Variants in CCDC28A observed in about 807,000 individuals in gnomAD.
CCDC28A encodes the protein coiled-coil domain containing 28A.
In CCDC28A, 24 loss-of-function variants were observed where a neutral mutation model predicts 22.1. That is an observed-to-expected ratio of 1.09 (90% CI 0.79 to 1.53). The LOEUF is 1.53. Among genes scored for constraint, CCDC28A ranks in the 40% most tolerant of loss-of-function variants. CCDC28A has a pLI of 0.00. For missense variants in CCDC28A, 170 were observed against 210.7 expected (o/e 0.81, Z 1.20); for synonymous variants, 83 against 74.7 (o/e 1.11, Z -0.57).
At chr6:138,780,643 C>T (rs1359225299) in intron 3 of CCDC28A, among the ~76,000 whole-genome samples, 2 of 148,834 alleles carry the variant, frequency 1.3e-5, no homozygotes, top group South Asian at 2.1e-4. Context: ...GGCACGATCT[C>T]GGCTCACTGC....
chr6:138,785,513 GA>G, intron 4 of CCDC28A, 132 bp downstream of exon 4: 1 of 638,598 alleles, frequency 1.6e-6, no homozygotes, highest in Non-Finnish European at 2.6e-6. Flanking sequence ...GATCGCTGTT[GA>G]ATTGCGGAAC....
At chr6:138,788,574 TTTTTTTTTTTTTTTTTTC>T (rs1775127778) in intron 5 of CCDC28A, among the ~76,000 whole-genome samples, 186 bp downstream of exon 5, 1 of 77,692 alleles carries the variant, frequency 1.3e-5, no homozygotes, top group East Asian at 1.5e-3. Flanking sequence ...TTTTCTTTTT[TTTTTTTTTTTTTTTTTTC>T]AGAGACAGGG....
In CCDC28A at chr6:138,792,932, C is replaced by T; in HGVS notation, c.*129C>T. On this transcript the variant is annotated 3_prime_UTR_variant, in exon 6 of 6. Transcript: ENST00000617445. Reference sequence around the variant, plus strand: ...GTAATTAAAGTGCAAGTTCAATGATCGTTTTCACTTACTGCTTTTAGTAAA... The same window carrying T: ...GTAATTAAAGTGCAAGTTCAATGATTGTTTTCACTTACTGCTTTTAGTAAA... The T allele has an allele frequency of 4.6e-6, 3 of 656,250 alleles. No homozygotes were observed. The highest frequency in any genetic ancestry group is 1.8e-5 in the African/African-American group (1 of 55,232). The allele number at this position is 656,250 out of a possible 1,614,324, so 40.7% of individuals were successfully genotyped here. A position where few individuals can be genotyped will look rare whatever the true frequency, so the allele number is the denominator to read the frequency against.
At chr6:138,783,365 C>G (rs1039436381) in intron 3 of CCDC28A, among the ~76,000 whole-genome samples, 1 of 145,704 alleles carries the variant, frequency 6.9e-6, no homozygotes, top group Non-Finnish European at 1.5e-5. Flanking sequence ...CCTCCTTGAG[C>G]TCAAGCCATC....
intron 3 of CCDC28A, among the ~76,000 whole-genome samples, chr6:138,784,694 A>G (rs562620494): frequency 6.1e-5 from 9 of 146,638 alleles, no homozygotes; most frequent in Non-Finnish European, 1.0e-4. Context: ...CGTTTCCTAT[A>G]TGCTCTTTTT....
chr6:138,776,332 G>T (rs909598745), intron 2 of CCDC28A, 54 bp downstream of exon 2: 2 of 1,403,906 alleles, frequency 1.4e-6, no homozygotes, highest in South Asian at 1.2e-5. Flanking sequence ...AGTAAATCCT[G>T]ACTCAACTTC....
At chr6:138,783,621 G>A (rs1775051728) in intron 3 of CCDC28A, among the ~76,000 whole-genome samples, 2 of 151,514 alleles carry the variant, frequency 1.3e-5, no homozygotes, top group African/African-American at 2.4e-5. Context: ...GTATTTTTTA[G>A]TGGAGACGGG....
At position 138,792,837 on chromosome 6, in the gene CCDC28A, G is replaced by A. The variant is rs571964067; in HGVS notation, c.*34G>A. The A allele has an allele frequency of 4.1e-6, 6 of 1,454,284 alleles. No individual in the cohort carries two copies. In the East Asian group the frequency reaches 1.4e-4, roughly 33 times the overall value. 90.1% of individuals were successfully genotyped at this position (1,454,284 alleles called of 1,614,324 possible). A position where few individuals can be genotyped will look rare whatever the true frequency, so the allele number is the denominator to read the frequency against. ...GTAGTTTGCTTTCTTGTGATTTGAAGAGAAGCAGCAGTCTTTACTTTTCCA... is the reference window on the plus strand; with the variant it reads ...GTAGTTTGCTTTCTTGTGATTTGAAAAGAAGCAGCAGTCTTTACTTTTCCA... On this transcript the variant is annotated 3_prime_UTR_variant, in exon 6 of 6. Transcript: ENST00000617445.
intron 2 of CCDC28A, among the ~76,000 whole-genome samples, chr6:138,778,552 T>C (rs1774971261): frequency 1.3e-5 from 2 of 152,118 alleles, no homozygotes; most frequent in South Asian, 4.1e-4. Flanking sequence ...CCTGAGGAAA[T>C]AGCATTTAAA....
At chr6:138,791,470 A>G (rs2128363580) in intron 5 of CCDC28A, among the ~76,000 whole-genome samples, 1 of 152,158 alleles carries the variant, frequency 6.6e-6, no homozygotes, top group East Asian at 1.9e-4. Context: ...TCTTCCTGCC[A>G]TTTCTATTTT....
chr6:138,783,742 A>G (rs1001698607), intron 3 of CCDC28A, among the ~76,000 whole-genome samples: 7 of 149,044 alleles, frequency 4.7e-5, no homozygotes, highest in Admixed American at 1.3e-4. Context: ...CTGGCCTTGT[A>G]TTTTTTATAG....
At chr6:138,785,620 A>AT (rs887071710) in intron 4 of CCDC28A, among the ~76,000 whole-genome samples, 7 of 152,118 alleles carry the variant, frequency 4.6e-5, no homozygotes, top group African/African-American at 1.7e-4. Context: ...GGATTTGCCT[A>AT]TTGTGGACAT....
chr6:138,792,675 C>A, intron 5 of CCDC28A, 74 bp from the exon 6 acceptor site: 2 of 927,646 alleles, frequency 2.2e-6, no homozygotes, highest in South Asian at 1.4e-5. Flanking sequence ...TCTCTTTGCT[C>A]CTGAATGTAA....
intron 3 of CCDC28A, among the ~76,000 whole-genome samples, chr6:138,783,876 CTTTTTTTTT>C: frequency 8.0e-6 from 1 of 125,444 alleles, no homozygotes; most frequent in African/African-American, 3.1e-5. Flanking sequence ...AGCCAGAACT[CTTTTTTTTT>C]TTTTTTTTTG....
intron 5 of CCDC28A, among the ~76,000 whole-genome samples, chr6:138,790,726 C>G (rs556058260): frequency 6.6e-6 from 1 of 152,196 alleles, no homozygotes; most frequent in Admixed American, 6.5e-5. Flanking sequence ...TCTGTTAATT[C>G]AGTCTCCAAG....
Position 138,773,892 on chromosome 6 carries a change from T to A in CCDC28A, c.-53T>A. 1.9e-6 allele frequency: 3 copies of A among 1,613,270 alleles called. No homozygotes were observed. Among genetic ancestry groups the A allele is most frequent in the Non-Finnish European group, 2.5e-6 (3 of 1,179,988 alleles). ...GTTGCGGAAGGGGGCCCCAATACCC[T>A]TCTTCTTCAGGTATGTAGTGGAAGC... On this transcript the variant is annotated 5_prime_UTR_variant, in exon 1 of 6. Coordinates refer to ENST00000617445, the MANE Select transcript of CCDC28A (RefSeq NM_015439.3).
rs2114902864 is a variant in CCDC28A at position 138,779,915 on chromosome 6, T to C, written c.252T>C (p.Asp84=). Residue 84 remains aspartate (D), a synonymous_variant, in exon 3 of 6, where the codon GAT becomes GAC. Coordinates refer to ENST00000617445, the MANE Select transcript of CCDC28A (RefSeq NM_015439.3). The part of the protein sequence containing the change: ...IQHSFLTDVS[D]VQEMERGLLS... ...ACTCCTTCCTCACTGATGTCTCAGA[T>C]GTTCAGGAGATGGAGAGAGGGCTGC... The C allele has an allele frequency of 6.2e-7, 1 of 1,613,812 alleles. No homozygotes were observed. The highest frequency in any genetic ancestry group is 1.1e-5 in the South Asian group (1 of 91,070).
chr6:138,789,108 C>T (rs1280357154), intron 5 of CCDC28A, among the ~76,000 whole-genome samples: 1 of 152,020 alleles, frequency 6.6e-6, no homozygotes, highest in Non-Finnish European at 1.5e-5. Flanking sequence ...AGGACATCAC[C>T]AAGACACATG....
intron 4 of CCDC28A, among the ~76,000 whole-genome samples, chr6:138,787,385 C>G (rs1490816096): frequency 1.3e-5 from 2 of 152,116 alleles, no homozygotes; most frequent in African/African-American, 4.8e-5. Flanking sequence ...CTGCTGACTC[C>G]TTAATTTTGA....
Sources: allele counts gnomAD v4.1 joint callset (sites outside exome capture counted in the v4.1 genomes callset), GRCh38; gene constraint gnomAD v4.1.1; transcripts MANE v1.5; gene names NCBI Gene and HGNC (gene_info 2026-07-23, HGNC 2026-07-21).